PLD1: variants seen among roughly 807,000 people sequenced by gnomAD.
The protein encoded by PLD1 is choline phosphatase 1.
A neutral mutation model predicts 137.1 loss-of-function variants in PLD1; 112 were observed. That is an observed-to-expected ratio of 0.82 (90% CI 0.70 to 0.96). The LOEUF (loss-of-function observed/expected upper bound fraction) is 0.96. Ranked by LOEUF, PLD1 falls within the 40% of genes least tolerant of loss-of-function variation. The pLI, the probability that PLD1 is intolerant of heterozygous loss-of-function variation, is 0.00. For synonymous variants in PLD1, 431 were observed against 454.7 expected, an observed-to-expected ratio of 0.95 and a Z score of 0.66; for missense variants, 1,321 against 1,342.0, an observed-to-expected ratio of 0.98 and a Z score of 0.24.
At chr3:171,777,373 C>T (rs956370919) in intron 1 of PLD1, among the ~76,000 whole-genome samples, 2 of 152,220 alleles carry the variant, frequency 1.3e-5, no homozygotes, top group East Asian at 3.8e-4. Flanking sequence ...GCAGAGGTTT[C>T]GCTTAGAGCT....
intron 22 of PLD1, 198 bp from the exon 23 acceptor site, chr3:171,643,087 G>T: frequency 2.4e-6 from 1 of 415,916 alleles, no homozygotes; most frequent in Non-Finnish European, 4.2e-6. Flanking sequence ...CATGATAGTT[G>T]TTTTGAGGTA....
chr3:171,714,084 AG>A (rs1212426359), intron 8 of PLD1, 39 bp from the exon 9 acceptor site: 1 of 1,324,286 alleles, frequency 7.6e-7, no homozygotes, highest in Admixed American at 1.7e-5. Flanking sequence ...AGTTGCATTG[AG>A]TAAATAAAAC....
chr3:171,655,469 C>T (rs999448075), intron 21 of PLD1, among the ~76,000 whole-genome samples: 1 of 152,086 alleles, frequency 6.6e-6, no homozygotes, highest in African/African-American at 2.4e-5. Context: ...TTAAGGAATC[C>T]TCTTGCCTCA....
chr3:171,735,715 C>T, intron 3 of PLD1, 78 bp from the exon 4 acceptor site: 1 of 774,468 alleles, frequency 1.3e-6, no homozygotes, highest in African/African-American at 1.7e-5. Flanking sequence ...CAATATTTAA[C>T]TAGTAACAGA....
intron 1 of PLD1, among the ~76,000 whole-genome samples, chr3:171,758,875 A>G (rs1324612865): frequency 6.6e-6 from 1 of 152,212 alleles, no homozygotes; most frequent in African/African-American, 2.4e-5. Flanking sequence ...TGTATCTATC[A>G]TTCTACTTCT....
chr3:171,635,315 T>C (rs1006943747), intron 23 of PLD1, among the ~76,000 whole-genome samples: 1 of 152,188 alleles, frequency 6.6e-6, no homozygotes, highest in Non-Finnish European at 1.5e-5. Flanking sequence ...ATAGGCTAAC[T>C]ATATTTAACT....
chr3:171,677,366 T>C (rs564912949), intron 17 of PLD1, among the ~76,000 whole-genome samples, 200 bp downstream of exon 17: 1 of 152,342 alleles, frequency 6.6e-6, no homozygotes, highest in South Asian at 2.1e-4. Context: ...CTCTATTTCA[T>C]GTTCTTTTCT....
chr3:171,780,182 TG>T (rs1486045438), intron 1 of PLD1, among the ~76,000 whole-genome samples: 1 of 138,604 alleles, frequency 7.2e-6, no homozygotes, highest in Non-Finnish European at 1.5e-5. Context: ...ATCTGAGGAC[TG>T]GGGCTTGCAT....
chr3:171,707,634 C>T (rs1049341757), intron 11 of PLD1, among the ~76,000 whole-genome samples: 3 of 152,142 alleles, frequency 2.0e-5, no homozygotes, highest in Non-Finnish European at 4.4e-5. Context: ...ATCAGTGATT[C>T]CCAGCCGACA....
Position 171,650,723 on chromosome 3 carries a change from C to T in PLD1, c.2430-5700G>A, listed in dbSNP as rs76402300. On this transcript the variant is annotated intron_variant, in intron 21 of 26. Transcript: ENST00000351298. The stretch of plus-strand genomic sequence containing the variant: ...TAGGAAAAGAAAATAAATTACAATT[C>T]AACAGAAAATAGTAGTGTGTGTGTA... Among the ~76,000 whole-genome samples the T allele has an allele frequency of 3.3e-5, 5 of 152,150 alleles. No homozygotes were observed. In the East Asian group the frequency reaches 9.7e-4, roughly 29 times the overall value.
In PLD1 at chr3:171,674,509, A is replaced by G. The variant is rs778871758; in HGVS notation, c.2220T>C (p.Ala740=). Residue 740 remains alanine (A), a synonymous_variant, in exon 19 of 27, where the codon GCT becomes GCC. Transcript: ENST00000351298. ...LRYQVPGSVH[A]NVQLLRSAAD... The stretch of plus-strand genomic sequence containing the variant: ...GCCAGAACTTACTTACCTGTACGTT[A>G]GCATGGACAGACCCAGGCACTTGAT... The G allele has an allele frequency of 1.3e-6, 2 of 1,571,140 alleles. No individual in the cohort carries two copies. Among genetic ancestry groups the G allele is most frequent in the Non-Finnish European group, 1.7e-6 (2 of 1,143,780 alleles).
chr3:171,772,282 C>T (rs186518998), intron 1 of PLD1, among the ~76,000 whole-genome samples: 169 of 152,304 alleles, frequency 1.1e-3, no homozygotes, highest in Non-Finnish European at 2.1e-3. Context: ...AACACAATAA[C>T]CAAGGTTTTT....
intron 16 of PLD1, among the ~76,000 whole-genome samples, chr3:171,682,167 A>AGAAG (rs1553819290): frequency 4.6e-3 from 139 of 30,066 alleles, no homozygotes; most frequent in Non-Finnish European, 8.3e-3. Context: ...AAAGAAAGAA[A>AGAAG]AAGAAAGAAA....
intron 1 of PLD1, among the ~76,000 whole-genome samples, chr3:171,746,478 G>C (rs1720190800): frequency 6.6e-6 from 1 of 152,174 alleles, no homozygotes; most frequent in Non-Finnish European, 1.5e-5. Flanking sequence ...GTGGGGACTT[G>C]GAGAACTTTT....
At chr3:171,726,702 C>A (rs1052997658) in intron 6 of PLD1, among the ~76,000 whole-genome samples, 3 of 152,176 alleles carry the variant, frequency 2.0e-5, no homozygotes, top group Non-Finnish European at 4.4e-5. Context: ...TTTAGGCCCA[C>A]CTTCACTGTA....
intron 8 of PLD1, among the ~76,000 whole-genome samples, chr3:171,716,868 A>T (rs1483675015): frequency 6.6e-6 from 1 of 151,936 alleles, no homozygotes; most frequent in East Asian, 1.9e-4. Flanking sequence ...GGGTTTTTAT[A>T]GTTTTAGGTT....
intron 23 of PLD1, among the ~76,000 whole-genome samples, chr3:171,639,175 AATAT>A (rs1735419968): frequency 6.9e-6 from 1 of 145,862 alleles, no homozygotes; most frequent in African/African-American, 2.5e-5. Context: ...ATAAATATAT[AATAT>A]ATAATATACA....
intron 1 of PLD1, among the ~76,000 whole-genome samples, chr3:171,747,322 G>A (rs1223632354): frequency 6.6e-6 from 1 of 152,162 alleles, no homozygotes; most frequent in South Asian, 2.1e-4. Context: ...TCTCCTTTTG[G>A]CCTTGGCTGT....
At chr3:171,759,099 ATT>A (rs11360641) in intron 1 of PLD1, among the ~76,000 whole-genome samples, 2 of 151,158 alleles carry the variant, frequency 1.3e-5, no homozygotes, top group South Asian at 2.1e-4. Flanking sequence ...TATTAACACA[ATT>A]TTTTTTTTAG....
Sources: allele counts gnomAD v4.1 joint callset (sites outside exome capture counted in the v4.1 genomes callset), GRCh38; gene constraint gnomAD v4.1.1; transcripts MANE v1.5; gene names NCBI Gene and HGNC (gene_info 2026-07-23, HGNC 2026-07-21).